Variants in KCNH1 observed in about 807,000 individuals in gnomAD.
KCNH1 encodes the protein potassium voltage-gated channel subfamily H member 1.
In KCNH1, 27 loss-of-function variants were observed where a neutral mutation model predicts 69.2. That is an observed-to-expected ratio of 0.39 (90% CI 0.29 to 0.54). The LOEUF is 0.54. Among genes scored for constraint, KCNH1 ranks in the 20% least tolerant of loss-of-function variants. KCNH1 has a pLI of 0.68. For missense variants in KCNH1, 798 were observed against 1,261.6 expected (o/e 0.63, Z 5.57); for synonymous variants, 456 against 487.7 (o/e 0.93, Z 0.86).
At chr1:210,945,219 T>C (rs997268628) in intron 6 of KCNH1, among the ~76,000 whole-genome samples, 2 of 152,234 alleles carry the variant, frequency 1.3e-5, no homozygotes, top group Non-Finnish European at 2.9e-5. Flanking sequence ...GCTATAAGCA[T>C]TGGTGCACAA....
chr1:211,014,696 A>G (rs1571579537), intron 6 of KCNH1, among the ~76,000 whole-genome samples: 2 of 152,334 alleles, frequency 1.3e-5, no homozygotes, highest in East Asian at 3.9e-4. Context: ...GGTGGTCTCC[A>G]CTGGCACACA....
chr1:210,886,660 G>A (rs1193238720), intron 7 of KCNH1, among the ~76,000 whole-genome samples: 1 of 151,926 alleles, frequency 6.6e-6, no homozygotes, highest in African/African-American at 2.4e-5. Context: ...AAAAAAGTTG[G>A]ATGAATTGCT....
chr1:211,116,320 C>A (rs1194807767), intron 1 of KCNH1, among the ~76,000 whole-genome samples: 1 of 152,152 alleles, frequency 6.6e-6, no homozygotes, highest in Non-Finnish European at 1.5e-5. Context: ...AAAGCCAAGG[C>A]TCTTAACAAT....
At chr1:210,716,932 A>G (rs1682271063) in intron 10 of KCNH1, among the ~76,000 whole-genome samples, 1 of 152,150 alleles carries the variant, frequency 6.6e-6, no homozygotes. Flanking sequence ...CCCATGTGTG[A>G]CCCTCTGTGG....
chr1:210,770,375 C>T (rs929456466), intron 10 of KCNH1, among the ~76,000 whole-genome samples: 3 of 152,178 alleles, frequency 2.0e-5, no homozygotes, highest in Admixed American at 6.5e-5. Context: ...AATAAATAAA[C>T]AAAATGCCAA....
At chr1:211,057,695 G>C (rs1247297431) in intron 5 of KCNH1, among the ~76,000 whole-genome samples, 1 of 151,046 alleles carries the variant, frequency 6.6e-6, no homozygotes, top group Non-Finnish European at 1.5e-5. Flanking sequence ...GAGAGAGAGA[G>C]AAAGAAAGAG....
At chr1:210,710,513 G>A (rs1158448636) in intron 10 of KCNH1, among the ~76,000 whole-genome samples, 1 of 152,138 alleles carries the variant, frequency 6.6e-6, no homozygotes, top group Non-Finnish European at 1.5e-5. Context: ...AAAATTAAGT[G>A]TGCTACAATG....
At chr1:210,726,028 C>A (rs1682581263) in intron 10 of KCNH1, among the ~76,000 whole-genome samples, 1 of 152,080 alleles carries the variant, frequency 6.6e-6, no homozygotes, top group African/African-American at 2.4e-5. Flanking sequence ...ATTCACATTC[C>A]CAGAGTTTGG....
intron 6 of KCNH1, among the ~76,000 whole-genome samples, chr1:211,005,244 T>G (rs1394669094): frequency 1.3e-5 from 2 of 152,060 alleles, no homozygotes; most frequent in Admixed American, 6.6e-5. Context: ...AACAGAAAAT[T>G]TGAATGGATC....
intron 10 of KCNH1, among the ~76,000 whole-genome samples, chr1:210,769,628 C>T (rs962338415): frequency 6.6e-6 from 1 of 152,210 alleles, no homozygotes; most frequent in African/African-American, 2.4e-5. Context: ...CTCCCAATTA[C>T]CTACGTGCCA....
intron 6 of KCNH1, among the ~76,000 whole-genome samples, chr1:210,949,702 T>C (rs1350073575): frequency 6.6e-6 from 1 of 152,238 alleles, no homozygotes; most frequent in Middle Eastern, 3.2e-3. Context: ...TTTAGTGATA[T>C]GATCAGTGTT....
At chr1:210,890,364 C>A (rs867786416) in intron 7 of KCNH1, among the ~76,000 whole-genome samples, 1 of 152,116 alleles carries the variant, frequency 6.6e-6, no homozygotes, top group South Asian at 2.1e-4. Context: ...AAACTGGACC[C>A]CTTCCTTACA....
At chr1:211,014,329 CT>C (rs1329525228) in intron 6 of KCNH1, among the ~76,000 whole-genome samples, 1 of 152,212 alleles carries the variant, frequency 6.6e-6, no homozygotes, top group Admixed American at 6.5e-5. Flanking sequence ...CCGTTCTAAG[CT>C]TTAGTTCGCT....
chr1:210,863,257 G>A (rs951114192), intron 7 of KCNH1, among the ~76,000 whole-genome samples: 1 of 152,168 alleles, frequency 6.6e-6, no homozygotes, highest in African/African-American at 2.4e-5. Flanking sequence ...GGCACTAGGG[G>A]GTGGAGGAGG....
At chr1:210,701,830 C>G (rs1681788939) in intron 10 of KCNH1, among the ~76,000 whole-genome samples, 5 of 152,066 alleles carry the variant, frequency 3.3e-5, no homozygotes, top group Admixed American at 3.3e-4. Context: ...GTTTTCCAGG[C>G]CTGGGATCTC....
At chr1:210,798,889 A>G (rs894608187) in intron 8 of KCNH1, among the ~76,000 whole-genome samples, 3 of 152,232 alleles carry the variant, frequency 2.0e-5, no homozygotes, top group African/African-American at 7.2e-5. Flanking sequence ...GCTGAGTGGC[A>G]GGCATTGCTA....
chr1:211,034,579 G>T (rs748894671), intron 5 of KCNH1, among the ~76,000 whole-genome samples: 1 of 151,966 alleles, frequency 6.6e-6, no homozygotes, highest in Non-Finnish European at 1.5e-5. Flanking sequence ...GGAGAAGCTG[G>T]GTAAAAGGCC....
chr1:210,828,361 A>C lies in KCNH1; in HGVS notation c.1463-24195T>G, dbSNP rs544342520. 2.6e-5 allele frequency among the ~76,000 whole-genome samples: 4 copies of C among 152,290 alleles called. No individual in the cohort carries two copies. In the South Asian group the frequency reaches 8.3e-4, roughly 32 times the overall value. ...CTCACAGTGTAATAAAAGGATAAAT[A>C]AGCAAAGAATGTAACATAATAAAAC... On this transcript the variant is annotated intron_variant, in intron 7 of 10. Coordinates refer to ENST00000271751, the MANE Select transcript of KCNH1 (RefSeq NM_172362.3).
At chr1:210,746,112 A>C (rs561972999) in intron 10 of KCNH1, among the ~76,000 whole-genome samples, 1 of 152,116 alleles carries the variant, frequency 6.6e-6, no homozygotes, top group East Asian at 1.9e-4. Flanking sequence ...TGGGGCAGTG[A>C]CCCTCTAAAA....
Sources: allele counts gnomAD v4.1 joint callset (sites outside exome capture counted in the v4.1 genomes callset), GRCh38; gene constraint gnomAD v4.1.1; transcripts MANE v1.5; gene names NCBI Gene and HGNC (gene_info 2026-07-23, HGNC 2026-07-21).